The following LATS2 variants were observed in gnomAD, a reference collection of about 807,000 sequenced individuals.
LATS2 encodes large tumor suppressor kinase 2, also known as serine/threonine-protein kinase LATS2.
LATS2 carries 24 observed loss-of-function variants against 76.0 expected under a neutral mutation model. The observed-to-expected ratio is 0.32, with a 90% CI of 0.23 to 0.44. LATS2 has a LOEUF of 0.44. Ranked by LOEUF, LATS2 falls within the 20% of genes least tolerant of loss-of-function variation. LATS2 has a pLI of 1.00. For missense variants in LATS2, 1,286 were observed against 1,481.2 expected (o/e 0.87, Z 2.16); for synonymous variants, 692 against 635.4 (o/e 1.09, Z -1.34).
At chr13:21,015,752 T>G (rs1431285148) in intron 2 of LATS2, among the ~76,000 whole-genome samples, 2 of 152,154 alleles carry the variant, frequency 1.3e-5, no homozygotes, top group East Asian at 3.9e-4. Flanking sequence ...CAGGCTGGAG[T>G]GCAATGGCGC....
intron 2 of LATS2, among the ~76,000 whole-genome samples, chr13:21,019,493 A>ATTTTTTT (rs67762203): frequency 9.9e-4 from 131 of 132,604 alleles, no homozygotes; most frequent in African/African-American, 1.4e-3. Flanking sequence ...CGCCCAGCTA[A>ATTTTTTT]TTTTTTTTTT....
chr13:20,988,022 G>A lies in LATS2; in HGVS notation c.1758C>T (p.Asp586=), dbSNP rs202224882. ...SPVPVRKNSR[D]EEKRESRIKS... is the part of the protein sequence containing the mutation. Reference sequence around the variant, plus strand: ...TGATGCGTGACTCTCTCTTCTCTTCGTCTCTGCTGTTTTTGCGGACGGGAA... The same window carrying A: ...TGATGCGTGACTCTCTCTTCTCTTCATCTCTGCTGTTTTTGCGGACGGGAA... Residue 586 remains aspartate, a synonymous_variant, in exon 4 of 8, where the codon GAC becomes GAT. Transcript: ENST00000382592. 13 of 1,614,100 alleles carry A rather than the reference G, an allele frequency of 8.1e-6. No homozygotes were observed. The highest frequency in any genetic ancestry group is 3.3e-5 in the South Asian group (3 of 91,090).
chr13:20,983,011 A>AAC lies in LATS2; in HGVS notation c.2482+212_2482+213insGT, dbSNP rs1555223627. ...CTGTCTCAAAAAAAAAAAAAAAAAA[A>AAC]AGTAAACCTGAAATCCACTACCTTA... On this transcript the variant is annotated intron_variant, in intron 5 of 7. Transcript: ENST00000382592. Among the ~76,000 whole-genome samples, 3 of 151,474 alleles carry AAC rather than the reference A, an allele frequency of 2.0e-5. No homozygotes were observed. In the East Asian group the frequency reaches 6.0e-4, roughly 30 times the overall value.
Position 21,023,811 on chromosome 13 carries a change from T to C in LATS2, c.342+21874A>G, listed in dbSNP as rs372997332. 2.6e-5 allele frequency among the ~76,000 whole-genome samples: 4 copies of C among 151,306 alleles called. No individual in the cohort carries two copies. The East Asian group carries it at 6.0e-4, about 23-fold the overall frequency. On this transcript the variant is annotated intron_variant, in intron 2 of 7. Coordinates refer to ENST00000382592, the MANE Select transcript of LATS2 (RefSeq NM_014572.3). ...CAACCTGGAGAAACCCCGTCTCTAC[T>C]AAAAATACAAAATTAGCTGGGCATG...
At chr13:20,977,844 C>A (rs999044893) in intron 7 of LATS2, among the ~76,000 whole-genome samples, 2 of 152,038 alleles carry the variant, frequency 1.3e-5, no homozygotes, top group Non-Finnish European at 2.9e-5. Context: ...TCAATTAGGG[C>A]GCAGATAATG....
chr13:20,984,711 C>T (rs947007511), intron 4 of LATS2, among the ~76,000 whole-genome samples: 4 of 151,956 alleles, frequency 2.6e-5, no homozygotes, highest in Non-Finnish European at 5.9e-5. Flanking sequence ...CCATGTTCAC[C>T]GACAGAAAGA....
intron 4 of LATS2, among the ~76,000 whole-genome samples, chr13:20,984,890 C>T (rs1184577046): frequency 2.0e-5 from 3 of 152,108 alleles, no homozygotes; most frequent in Non-Finnish European, 4.4e-5. Context: ...AAATTGTTAC[C>T]TGACTTCAAA....
intron 2 of LATS2, among the ~76,000 whole-genome samples, chr13:21,007,951 G>A (rs1464580458): frequency 6.7e-6 from 1 of 149,952 alleles, no homozygotes. Context: ...GTAGAGACAG[G>A]GTTTGCCATG....
At chr13:20,981,692 T>C (rs1241121101) in intron 5 of LATS2, 44 bp from the exon 6 acceptor site, 2 of 1,510,206 alleles carry the variant, frequency 1.3e-6, no homozygotes, top group Admixed American at 2.1e-5. Context: ...GAACAAAATA[T>C]AAAGTGAATT....
intron 2 of LATS2, among the ~76,000 whole-genome samples, chr13:21,007,343 T>C (rs939484952): frequency 6.6e-6 from 1 of 150,472 alleles, no homozygotes; most frequent in East Asian, 2.0e-4. Context: ...CAGTGGAATG[T>C]CAGGACATGC....
intron 2 of LATS2, among the ~76,000 whole-genome samples, chr13:21,024,163 G>A (rs1872209007): frequency 6.6e-6 from 1 of 150,988 alleles, no homozygotes; most frequent in African/African-American, 2.4e-5. Context: ...GCCGGGCATA[G>A]TGGCTCACAC....
In LATS2 at chr13:21,054,765, T is replaced by C. The variant is rs1351079310; in HGVS notation, c.-205+6581A>G. ...GATCAGGAGTCCTGGTTTTTCTTTC[T>C]TTTTCCATTCCCCCCTCAACATTTG... On this transcript the variant is annotated intron_variant, in intron 1 of 7. Coordinates refer to ENST00000382592, the MANE Select transcript of LATS2 (RefSeq NM_014572.3). Among the ~76,000 whole-genome samples, 6 of 152,236 alleles carry C rather than the reference T, an allele frequency of 3.9e-5. No individual in the cohort carries two copies. In the East Asian group the frequency reaches 5.8e-4, roughly 15 times the overall value.
Position 20,975,038 on chromosome 13 carries a change from A to C in LATS2, c.3099T>G (p.Pro1033=), listed in dbSNP as rs2138256866. The C allele has an allele frequency of 6.2e-7, 1 of 1,614,248 alleles. No individual in the cohort carries two copies. Among genetic ancestry groups the C allele is most frequent in the Non-Finnish European group, 8.5e-7 (1 of 1,180,042 alleles). ...DTLTSPNNKH[P]EHAFYEFTFR... is the part of the protein sequence containing the mutation. ...AGGTGAATTCGTAAAATGCGTGCTC[A>C]GGATGCTTGTTATTGGGCGAGGTGA... The change falls in exon 8 of 8, where the codon CCT becomes CCG. Residue 1033 remains proline (P), a synonymous_variant. Transcript: ENST00000382592.
intron 1 of LATS2, among the ~76,000 whole-genome samples, chr13:21,060,543 G>A (rs1331184030): frequency 6.6e-6 from 1 of 152,110 alleles, no homozygotes; most frequent in African/African-American, 2.4e-5. Flanking sequence ...GGGCCTGGCC[G>A]CCCGCAGCCC....
chr13:21,007,310 C>T (rs1424057383), intron 2 of LATS2, among the ~76,000 whole-genome samples: 1 of 150,752 alleles, frequency 6.6e-6, no homozygotes, highest in Non-Finnish European at 1.5e-5. Flanking sequence ...ATTGGAATTT[C>T]TTCTTTTAGT....
intron 2 of LATS2, among the ~76,000 whole-genome samples, chr13:21,000,396 A>AATC (rs939714290): frequency 6.6e-6 from 1 of 151,974 alleles, no homozygotes; most frequent in Non-Finnish European, 1.5e-5. Context: ...TAATAATAAT[A>AATC]ATAATAAAGA....
Position 20,989,107 on chromosome 13 carries a change from C to T in LATS2, c.673G>A (p.Gly225Ser). 1 of 1,602,656 alleles carries T rather than the reference C, an allele frequency of 6.2e-7. No homozygotes were observed. Among genetic ancestry groups the T allele is most frequent in the Non-Finnish European group, 8.5e-7 (1 of 1,175,914 alleles). ...TTGGGTGGGTGCTGGTGCTGGTGGC[C>T]GGGCCCGTGGGGGCCGACTCCGGGG... ...LFPGVGPHGP[G>S]HQHQHPPKGY... Residue 225 changes from glycine (G) to serine (S), a missense_variant, in exon 4 of 8, where the codon GGC (glycine) becomes AGC (serine). By Grantham distance (56) the Gly-to-Ser change is moderately conservative. Coordinates refer to ENST00000382592, the MANE Select transcript of LATS2 (RefSeq NM_014572.3).
chr13:21,002,152 A>G (rs1284686059), intron 2 of LATS2, among the ~76,000 whole-genome samples: 2 of 151,694 alleles, frequency 1.3e-5, no homozygotes, highest in African/African-American at 2.4e-5. Context: ...TGACCTCAAG[A>G]TCCGCCCACC....
At chr13:21,009,586 G>C (rs150999745) in intron 2 of LATS2, among the ~76,000 whole-genome samples, 2 of 152,296 alleles carry the variant, frequency 1.3e-5, no homozygotes, top group East Asian at 1.9e-4. Context: ...GGTATATGTG[G>C]TGCATTAGCC....
Sources: gnomAD v4.1 joint callset for allele counts (sites outside exome capture counted in the v4.1 genomes callset) on GRCh38, gnomAD v4.1.1 for gene constraint, MANE v1.5 for transcripts, NCBI Gene and HGNC (gene_info 2026-07-23, HGNC 2026-07-21) for gene names.